Variants in BANK1 observed in about 807,000 individuals in gnomAD.
The protein encoded by BANK1 is B-cell scaffold protein with ankyrin repeats.
Under a neutral mutation model 94.5 loss-of-function variants are expected in BANK1, and 95 were observed. The observed-to-expected ratio is 1.00, with a 90% confidence interval of 0.85 to 1.19. The LOEUF is 1.19. Among genes scored for constraint, BANK1 ranks in the 50% most tolerant of loss-of-function variants. The pLI, the probability that BANK1 is intolerant of heterozygous loss-of-function variation, is 0.00. For missense variants in BANK1, 987 were observed against 932.2 expected (o/e 1.06, Z -0.77); for synonymous variants, 334 against 308.4 (o/e 1.08, Z -0.87).
chr4:101,862,195 G>A (rs1025263612), intron 3 of BANK1, among the ~76,000 whole-genome samples: 11 of 152,030 alleles, frequency 7.2e-5, no homozygotes, highest in Non-Finnish European at 1.5e-4. Context: ...GCTGGTCTGC[G>A]AAATGATGCT....
intron 6 of BANK1, among the ~76,000 whole-genome samples, chr4:101,901,961 C>T (rs1030231116): frequency 5.3e-5 from 8 of 152,042 alleles, no homozygotes; most frequent in African/African-American, 1.7e-4. Context: ...AGGGTTTCAC[C>T]GTGTTAGCCA....
chr4:101,946,654 C>T (rs1723939982), intron 7 of BANK1, among the ~76,000 whole-genome samples: 2 of 151,890 alleles, frequency 1.3e-5, no homozygotes, highest in South Asian at 4.2e-4. Context: ...AGTTTGCAGC[C>T]TCAGTCATAT....
chr4:101,866,922 A>G (rs12499390), intron 4 of BANK1, among the ~76,000 whole-genome samples: 5,513 of 65,742 alleles, frequency 0.084, 727 homozygotes, highest in East Asian at 0.21. Context: ...AGAACAAAAA[A>G]CCAAACGCCG....
At chr4:101,829,410 T>C (rs1342290581) in intron 1 of BANK1, among the ~76,000 whole-genome samples, 1 of 151,300 alleles carries the variant, frequency 6.6e-6, no homozygotes, top group Non-Finnish European at 1.5e-5. Flanking sequence ...AGCCTTGTTC[T>C]GTTTCTCCTC....
At chr4:102,064,803 T>G (rs7695871) in intron 13 of BANK1, among the ~76,000 whole-genome samples, 15 of 152,324 alleles carry the variant, frequency 9.8e-5, no homozygotes, top group African/African-American at 3.4e-4. Flanking sequence ...ATTATGGCCC[T>G]GGTCTCTGCC....
chr4:101,819,769 G>A (rs1464431467), intron 1 of BANK1, among the ~76,000 whole-genome samples: 7 of 152,118 alleles, frequency 4.6e-5, no homozygotes, highest in Admixed American at 3.9e-4. Flanking sequence ...CACTTTTCAT[G>A]AATACATTTC....
At chr4:101,984,762 C>T (rs1725428228) in intron 7 of BANK1, among the ~76,000 whole-genome samples, 1 of 151,916 alleles carries the variant, frequency 6.6e-6, no homozygotes, top group Admixed American at 6.6e-5. Context: ...AAAAGAAAAC[C>T]ATCATCCTAG....
chr4:101,870,729 T>C (rs1578369018), intron 5 of BANK1, 85 bp downstream of exon 5: 1 of 1,446,270 alleles, frequency 6.9e-7, no homozygotes, highest in Non-Finnish European at 9.3e-7. Context: ...TGGTATAAGT[T>C]TGAATGTGGA....
chr4:102,001,214 AG>A (rs1726058220), intron 7 of BANK1, among the ~76,000 whole-genome samples: 2 of 152,228 alleles, frequency 1.3e-5, no homozygotes, highest in Non-Finnish European at 2.9e-5. Flanking sequence ...GGGACACTTC[AG>A]GTAATTTGAG....
chr4:101,981,350 A>T (rs550389237), intron 7 of BANK1, among the ~76,000 whole-genome samples: 11 of 152,236 alleles, frequency 7.2e-5, no homozygotes, highest in African/African-American at 2.6e-4. Context: ...TTCTCTTTAG[A>T]CTAATTAATA....
chr4:101,847,198 A>T (rs922487408), intron 2 of BANK1, among the ~76,000 whole-genome samples: 9 of 147,716 alleles, frequency 6.1e-5, no homozygotes, highest in Non-Finnish European at 1.5e-5. Context: ...GGGTTGGCAG[A>T]GTGTGTGTGT....
chr4:101,998,534 T>G (rs1725956819), intron 7 of BANK1, among the ~76,000 whole-genome samples: 1 of 152,090 alleles, frequency 6.6e-6, no homozygotes, highest in Admixed American at 6.6e-5. Flanking sequence ...TCCCACTATT[T>G]TTGTGTGGGA....
At chr4:101,940,668 G>A (rs1172349658) in intron 7 of BANK1, among the ~76,000 whole-genome samples, 1 of 151,682 alleles carries the variant, frequency 6.6e-6, no homozygotes, top group Admixed American at 6.6e-5. Context: ...CCCCCAAGAG[G>A]GACTTGTCTA....
At chr4:101,811,065 C>G (rs1726080790) in intron 1 of BANK1, among the ~76,000 whole-genome samples, 1 of 152,090 alleles carries the variant, frequency 6.6e-6, no homozygotes, top group Admixed American at 6.6e-5. Flanking sequence ...AGTCACCTAA[C>G]TAAAATTAAA....
At chr4:102,073,656 C>T (rs771047921) in intron 15 of BANK1, 28 bp from the exon 16 acceptor site, 2 of 1,596,530 alleles carry the variant, frequency 1.3e-6, no homozygotes, top group African/African-American at 1.3e-5. Context: ...TCGAGAAATA[C>T]TAGCTCTATA....
chr4:101,835,908 G>A (rs7682827), intron 2 of BANK1, among the ~76,000 whole-genome samples: 67,823 of 151,816 alleles, frequency 0.45, 15,782 homozygotes, highest in African/African-American at 0.57. Flanking sequence ...CCATTTTTGC[G>A]TTCACTCCAT....
intron 7 of BANK1, among the ~76,000 whole-genome samples, chr4:101,928,110 A>C (rs560372575): frequency 7.9e-5 from 12 of 151,770 alleles, no homozygotes; most frequent in African/African-American, 2.9e-4. Context: ...CATAATAATA[A>C]GCCTTTCCAA....
At chr4:102,073,795 T>A in intron 16 of BANK1, 47 bp downstream of exon 16, 1 of 1,446,482 alleles carries the variant, frequency 6.9e-7, no homozygotes, top group Non-Finnish European at 9.6e-7. Context: ...AAAGCAGCCT[T>A]GTTAGGGACT....
chr4:102,043,942 C>T (rs765972671), intron 11 of BANK1, 35 bp downstream of exon 11: 2 of 1,299,224 alleles, frequency 1.5e-6, no homozygotes, highest in East Asian at 4.6e-5. Context: ...TTAGTAATCT[C>T]TAGGTAAAAT....
Sources: allele counts gnomAD v4.1 joint callset (sites outside exome capture counted in the v4.1 genomes callset), GRCh38; gene constraint gnomAD v4.1.1; transcripts MANE v1.5; gene names NCBI Gene and HGNC (gene_info 2026-07-23, HGNC 2026-07-21).